Variants in ADAM10 observed in about 807,000 individuals in gnomAD.
ADAM10 encodes the protein disintegrin and metalloproteinase domain-containing protein 10.
Under a neutral mutation model 90.1 loss-of-function variants are expected in ADAM10, and 17 were observed. That is an observed-to-expected ratio of 0.19 (90% CI 0.13 to 0.28). The LOEUF (loss-of-function observed/expected upper bound fraction) is 0.28. Ranked by LOEUF, ADAM10 falls within the 10% of genes least tolerant of loss-of-function variation. The probability of loss-of-function intolerance (pLI) is 1.00; values close to 1 mark genes in which losing one functional copy is unlikely to be tolerated. For synonymous variants in ADAM10, 310 were observed against 298.6 expected (o/e 1.04, Z -0.40); for missense variants, 610 against 914.3 (o/e 0.67, Z 4.29).
chr15:58,591,383 A>C lies in ADAM10; in HGVS notation c.*6164T>G, dbSNP rs1286204163. On this transcript the variant is annotated 3_prime_UTR_variant, in exon 16 of 16. Coordinates refer to ENST00000260408, the MANE Select transcript of ADAM10 (RefSeq NM_001110.4). ...TATCATGAATTACTGCTAAAATAAA[A>C]ACAGTAATGAATCAGCTTCTATAGG... 3 of 152,242 alleles carry C rather than the reference A, an allele frequency of 2.0e-5. No homozygotes were observed. Among genetic ancestry groups the C allele is most frequent in the Non-Finnish European group, 4.4e-5 (3 of 68,038 alleles). 9.4% of individuals were successfully genotyped at this position (152,242 alleles called of 1,614,324 possible). A position where few individuals can be genotyped will look rare whatever the true frequency, so the allele number is the denominator to read the frequency against.
At chr15:58,637,393 A>C (rs1896288386) in intron 8 of ADAM10, among the ~76,000 whole-genome samples, 1 of 152,178 alleles carries the variant, frequency 6.6e-6, no homozygotes, top group African/African-American at 2.4e-5. Flanking sequence ...GAAGACTCAA[A>C]AGAAGGGCAA....
chr15:58,653,791 A>C (rs1355824088), intron 5 of ADAM10, among the ~76,000 whole-genome samples: 1 of 152,136 alleles, frequency 6.6e-6, no homozygotes, highest in Non-Finnish European at 1.5e-5. Flanking sequence ...AATTGGTATT[A>C]GTTATATTGT....
chr15:58,684,600 C>G (rs1475993448), intron 2 of ADAM10, among the ~76,000 whole-genome samples: 1 of 152,230 alleles, frequency 6.6e-6, no homozygotes, highest in Non-Finnish European at 1.5e-5. Context: ...CGCACAGAAA[C>G]TCTGTGCTGC....
intron 5 of ADAM10, among the ~76,000 whole-genome samples, chr15:58,656,017 G>C (rs1896820695): frequency 6.6e-6 from 1 of 151,846 alleles, no homozygotes; most frequent in African/African-American, 2.4e-5. Context: ...AAACTGCTGA[G>C]ATTACAGGCG....
At chr15:58,646,421 T>A (rs191402464) in intron 5 of ADAM10, among the ~76,000 whole-genome samples, 1 of 152,324 alleles carries the variant, frequency 6.6e-6, no homozygotes, top group African/African-American at 2.4e-5. Context: ...CTTTTAAACA[T>A]TTTCAAAACA....
intron 9 of ADAM10, among the ~76,000 whole-genome samples, chr15:58,630,556 A>G (rs1035864481): frequency 2.2e-4 from 33 of 152,232 alleles, no homozygotes; most frequent in African/African-American, 7.7e-4. Flanking sequence ...GAGTAGGTAC[A>G]TATTAGAATT....
intron 2 of ADAM10, among the ~76,000 whole-genome samples, chr15:58,707,037 T>TAAAAAG (rs1244507824): frequency 8.3e-5 from 10 of 120,170 alleles, no homozygotes; most frequent in African/African-American, 2.8e-4. Flanking sequence ...AAAGAAAAGA[T>TAAAAAG]AAAAAGAAAA....
At chr15:58,609,482 G>C (rs1378045649) in intron 14 of ADAM10, 2 of 152,004 alleles carry the variant, frequency 1.3e-5, no homozygotes, top group Admixed American at 6.6e-5. Context: ...AACATCTTTT[G>C]TGCTTTAAGG....
chr15:58,727,583 T>G (rs1248557357), intron 1 of ADAM10, among the ~76,000 whole-genome samples: 1 of 152,134 alleles, frequency 6.6e-6, no homozygotes, highest in Non-Finnish European at 1.5e-5. Context: ...CCTACTGGCT[T>G]GGCCTCCCGA....
At chr15:58,703,291 C>CAAAAAAAAAAAAAAAAAAAAAA (rs542156053) in intron 2 of ADAM10, among the ~76,000 whole-genome samples, 1 of 76,396 alleles carries the variant, frequency 1.3e-5, no homozygotes. Context: ...GGTATTCCCT[C>CAAAAAAAAAAAAAAAAAAAAAA]AAAAAAAAAA....
Position 58,611,873 on chromosome 15 carries a change from G to A in ADAM10, c.1630C>T (p.Pro544Ser). The change falls in exon 12 of 16, where the codon CCA becomes TCA. Residue 544 changes from proline to serine, a missense_variant. Coordinates refer to ENST00000260408, the MANE Select transcript of ADAM10 (RefSeq NM_001110.4). ...GICNGFTALC[P>S]ASDPKPNFTD... ...AAGTTTGGTTTAGGGTCAGATGCTG[G>A]GCAGAGAGCTGTGAAGCCATTACAT... 6.2e-7 allele frequency: 1 copy of A among 1,614,114 alleles called. No individual in the cohort carries two copies. Among genetic ancestry groups the A allele is most frequent in the Admixed American group, 1.7e-5 (1 of 60,018 alleles).
chr15:58,639,639 C>A (rs910027718), intron 8 of ADAM10, among the ~76,000 whole-genome samples: 13 of 151,810 alleles, frequency 8.6e-5, no homozygotes, highest in Non-Finnish European at 1.9e-4. Context: ...AATATGCAGC[C>A]CATGACATAA....
chr15:58,630,955 C>G (rs915149599), intron 9 of ADAM10, among the ~76,000 whole-genome samples: 1 of 152,154 alleles, frequency 6.6e-6, no homozygotes, highest in African/African-American at 2.4e-5. Context: ...GATTAATGCT[C>G]TTCCTGAAGG....
intron 2 of ADAM10, among the ~76,000 whole-genome samples, chr15:58,695,597 T>C (rs1314708152): frequency 6.6e-6 from 1 of 151,920 alleles, no homozygotes; most frequent in Non-Finnish European, 1.5e-5. Flanking sequence ...GTATTCTATA[T>C]GGTAAAAAAA....
At chr15:58,680,072 T>A (rs538597805) in intron 3 of ADAM10, among the ~76,000 whole-genome samples, 1 of 152,308 alleles carries the variant, frequency 6.6e-6, no homozygotes, top group Admixed American at 6.5e-5. Flanking sequence ...ATATTGTGCA[T>A]GGGCCAGGCC....
intron 3 of ADAM10, 71 bp from the exon 4 acceptor site, chr15:58,679,353 T>C: frequency 7.5e-7 from 1 of 1,332,902 alleles, no homozygotes; most frequent in Non-Finnish European, 1.1e-6. Context: ...CATATATATG[T>C]ATATATGTGT....
intron 1 of ADAM10, among the ~76,000 whole-genome samples, chr15:58,724,204 T>C (rs571909187): frequency 4.5e-4 from 69 of 152,190 alleles, no homozygotes; most frequent in African/African-American, 1.6e-3. Flanking sequence ...GAAATTCATA[T>C]TAATTTTCCT....
intron 4 of ADAM10, 144 bp from the exon 5 acceptor site, chr15:58,665,341 T>G: frequency 1.4e-6 from 1 of 698,610 alleles, no homozygotes; most frequent in Non-Finnish European, 2.5e-6. Flanking sequence ...GGCATTATGC[T>G]AGGCATTTTA....
chr15:58,607,646 T>C (rs759729042), intron 14 of ADAM10, among the ~76,000 whole-genome samples: 10 of 152,184 alleles, frequency 6.6e-5, no homozygotes, highest in Non-Finnish European at 1.3e-4. Context: ...AGAAACTAAT[T>C]TTAAAATGAG....
Sources: gnomAD v4.1 joint callset for allele counts (sites outside exome capture counted in the v4.1 genomes callset) on GRCh38, gnomAD v4.1.1 for gene constraint, MANE v1.5 for transcripts, NCBI Gene and HGNC (gene_info 2026-07-23, HGNC 2026-07-21) for gene names.